The following CADM2 variants were observed in gnomAD, a reference collection of about 807,000 sequenced individuals.
CADM2 encodes the protein cell adhesion molecule 2.
CADM2 carries 12 observed loss-of-function variants against 49.8 expected under a neutral mutation model. The observed-to-expected ratio is 0.24, with a 90% CI of 0.15 to 0.39. CADM2 has a LOEUF of 0.39. Ranked by LOEUF, CADM2 falls within the 10% of genes least tolerant of loss-of-function variation. The pLI, the probability that CADM2 is intolerant of heterozygous loss-of-function variation, is 1.00. For synonymous variants in CADM2, 214 were observed against 175.4 expected (o/e 1.22, Z -1.74); for missense variants, 378 against 492.3 (o/e 0.77, Z 2.20).
At chr3:85,177,500 A>G (rs1233951333) in intron 1 of CADM2, among the ~76,000 whole-genome samples, 1 of 152,080 alleles carries the variant, frequency 6.6e-6, no homozygotes, top group Non-Finnish European at 1.5e-5. Flanking sequence ...ATCATATAAT[A>G]TCTTAAAATT....
intron 6 of CADM2, among the ~76,000 whole-genome samples, chr3:85,930,897 T>G (rs1720503014): frequency 6.7e-6 from 1 of 149,196 alleles, no homozygotes; most frequent in Non-Finnish European, 1.5e-5. Flanking sequence ...TATATGTTAA[T>G]TAATTAATAT....
intron 1 of CADM2, among the ~76,000 whole-genome samples, chr3:85,157,177 A>G (rs1466632019): frequency 6.6e-5 from 10 of 152,180 alleles, no homozygotes; most frequent in Non-Finnish European, 1.0e-4. Context: ...GCACTGCTCA[A>G]GGAAATAAAA....
At chr3:85,427,849 A>G (rs1203667626) in intron 1 of CADM2, among the ~76,000 whole-genome samples, 4 of 152,098 alleles carry the variant, frequency 2.6e-5, no homozygotes, top group Non-Finnish European at 5.9e-5. Context: ...CATTAAGGGA[A>G]TAATCATTTT....
chr3:85,446,101 T>C (rs1280562445), intron 1 of CADM2, among the ~76,000 whole-genome samples: 1 of 152,166 alleles, frequency 6.6e-6, no homozygotes, highest in Non-Finnish European at 1.5e-5. Context: ...TTTTGATACT[T>C]ATTTTCTCTA....
intron 1 of CADM2, among the ~76,000 whole-genome samples, chr3:85,393,982 A>AT (rs1433834399): frequency 6.6e-6 from 1 of 151,914 alleles, no homozygotes; most frequent in Non-Finnish European, 1.5e-5. Flanking sequence ...AATTTTTTGT[A>AT]TTTTTAGTAG....
intron 1 of CADM2, among the ~76,000 whole-genome samples, chr3:85,450,154 A>C (rs1039017205): frequency 1.3e-5 from 2 of 152,154 alleles, no homozygotes; most frequent in African/African-American, 2.4e-5. Context: ...TCAACTAAAG[A>C]CGAACCCTTG....
Position 86,070,746 on chromosome 3 carries a change from A to G in CADM2, c.*3963A>G, listed in dbSNP as rs976029407. ...GTACACACTAAAAACTATGCAAAAT[A>G]TAGGTAACTACAGTGTACGTACATG... is the stretch of plus-strand genomic sequence containing the variant. On this transcript the variant is annotated 3_prime_UTR_variant, in exon 10 of 10. Coordinates refer to ENST00000383699, the MANE Select transcript of CADM2 (RefSeq NM_001167675.2). 7 of 151,964 alleles carry G rather than the reference A, an allele frequency of 4.6e-5. No homozygotes were observed. The highest frequency in any genetic ancestry group is 2.6e-4 in the Admixed American group (4 of 15,234). The allele number at this position is 151,964 out of a possible 1,614,324, so 9.4% of individuals were successfully genotyped here.
chr3:85,620,908 A>C (rs1190252395), intron 1 of CADM2, among the ~76,000 whole-genome samples: 4 of 152,112 alleles, frequency 2.6e-5, no homozygotes, highest in Non-Finnish European at 4.4e-5. Flanking sequence ...TATGACAGTC[A>C]ATTTTTTTGG....
At chr3:85,617,531 C>T (rs973915256) in intron 1 of CADM2, among the ~76,000 whole-genome samples, 1 of 152,094 alleles carries the variant, frequency 6.6e-6, no homozygotes, top group African/African-American at 2.4e-5. Flanking sequence ...TCTCTGAACC[C>T]AGTCCTTTTG....
At chr3:85,995,561 C>T (rs1486454762) in intron 8 of CADM2, among the ~76,000 whole-genome samples, 1 of 152,026 alleles carries the variant, frequency 6.6e-6, no homozygotes, top group African/African-American at 2.4e-5. Context: ...CTTTCTGCAT[C>T]GTATTCTAAG....
chr3:85,694,943 T>TAA (rs137886149), intron 1 of CADM2, among the ~76,000 whole-genome samples: 5 of 151,476 alleles, frequency 3.3e-5, no homozygotes, highest in Non-Finnish European at 7.4e-5. Context: ...AAAAATAAAA[T>TAA]AAAAAAAATA....
At chr3:85,316,979 T>G (rs2044480620) in intron 1 of CADM2, among the ~76,000 whole-genome samples, 2 of 151,978 alleles carry the variant, frequency 1.3e-5, no homozygotes, top group African/African-American at 4.8e-5. Flanking sequence ...CATACAGAAA[T>G]AGGTGGTAGA....
chr3:85,121,969 C>A (rs1353312600), intron 1 of CADM2, among the ~76,000 whole-genome samples: 1 of 151,978 alleles, frequency 6.6e-6, no homozygotes, highest in Non-Finnish European at 1.5e-5. Flanking sequence ...ATGAGGTGCT[C>A]CTTCTCTGCA....
chr3:85,881,756 C>T (rs192186889), intron 3 of CADM2, among the ~76,000 whole-genome samples: 1 of 152,138 alleles, frequency 6.6e-6, no homozygotes, highest in Non-Finnish European at 1.5e-5. Flanking sequence ...CAGCGGTCCC[C>T]AACCTTTTTG....
At chr3:85,160,997 G>A (rs1025659401) in intron 1 of CADM2, among the ~76,000 whole-genome samples, 2 of 152,106 alleles carry the variant, frequency 1.3e-5, no homozygotes, top group South Asian at 4.1e-4. Flanking sequence ...TAAAGCTCCA[G>A]GATGGATACT....
intron 3 of CADM2, among the ~76,000 whole-genome samples, chr3:85,870,821 C>T (rs866613087): frequency 3.9e-5 from 6 of 152,080 alleles, no homozygotes; most frequent in Admixed American, 2.6e-4. Context: ...TTGAGGAATC[C>T]TCACATTGCT....
chr3:85,793,972 A>C (rs2071482063), intron 2 of CADM2, among the ~76,000 whole-genome samples: 1 of 152,282 alleles, frequency 6.6e-6, no homozygotes, highest in Non-Finnish European at 1.5e-5. Context: ...AATATTCAAA[A>C]AATGTTAATT....
chr3:84,989,066 G>A (rs1170764436), intron 1 of CADM2, among the ~76,000 whole-genome samples: 1 of 152,092 alleles, frequency 6.6e-6, no homozygotes, highest in African/African-American at 2.4e-5. Flanking sequence ...TTCCATTTCT[G>A]CCTTTGCTTC....
chr3:85,930,702 T>C (rs2108526046), intron 6 of CADM2, among the ~76,000 whole-genome samples: 1 of 152,096 alleles, frequency 6.6e-6, no homozygotes, highest in East Asian at 1.9e-4. Flanking sequence ...AATGAGAACA[T>C]GTGATGTTTG....
Sources: gnomAD v4.1 joint callset for allele counts (sites outside exome capture counted in the v4.1 genomes callset) on GRCh38, gnomAD v4.1.1 for gene constraint, MANE v1.5 for transcripts, NCBI Gene and HGNC (gene_info 2026-07-23, HGNC 2026-07-21) for gene names.